CEP112: variants seen among roughly 807,000 people sequenced by gnomAD.
CEP112 encodes the protein centrosomal protein 112.
In CEP112, 127 loss-of-function variants were observed where a neutral mutation model predicts 153.0. The ratio of observed to expected loss-of-function variants is 0.83; its 90% CI spans 0.72 to 0.96. The LOEUF (loss-of-function observed/expected upper bound fraction) is 0.96, where lower values mean the gene tolerates loss of function less well. Among genes scored for constraint, CEP112 ranks in the 40% least tolerant of loss-of-function variants. The pLI, the probability that CEP112 is intolerant of heterozygous loss-of-function variation, is 0.00. For synonymous variants in CEP112, 358 were observed against 374.4 expected (o/e 0.96, Z 0.51); for missense variants, 1,089 against 1,101.2 (o/e 0.99, Z 0.16).
chr17:65,855,006 T>G (rs1259306916), intron 20 of CEP112, among the ~76,000 whole-genome samples: 7 of 152,156 alleles, frequency 4.6e-5, no homozygotes, highest in Admixed American at 4.6e-4. Context: ...AAGGATGGGT[T>G]GCTGGCTCCC....
chr17:66,051,726 A>G (rs1182361914), intron 12 of CEP112, among the ~76,000 whole-genome samples: 1 of 152,214 alleles, frequency 6.6e-6, no homozygotes, highest in Non-Finnish European at 1.5e-5. Flanking sequence ...CTTTAAATTC[A>G]AGAAAGTACT....
intron 19 of CEP112, among the ~76,000 whole-genome samples, chr17:65,920,013 C>G (rs527949149): frequency 1.3e-5 from 2 of 151,960 alleles, no homozygotes; most frequent in South Asian, 4.1e-4. Context: ...GTTTCTACAA[C>G]TAGAAGATGA....
chr17:66,182,441 AAT>A (rs2146913378), intron 2 of CEP112: 1 of 152,282 alleles, frequency 6.6e-6, no homozygotes, highest in East Asian at 1.9e-4. Context: ...TTCCTCACTG[AAT>A]ATAGAGTCTA....
chr17:65,930,645 C>T (rs2061086311), intron 18 of CEP112, among the ~76,000 whole-genome samples: 1 of 152,218 alleles, frequency 6.6e-6, no homozygotes, highest in Admixed American at 6.5e-5. Context: ...GAAGCACAGT[C>T]AAGCACACTT....
intron 18 of CEP112, among the ~76,000 whole-genome samples, chr17:65,931,864 A>G (rs1163059442): frequency 6.6e-6 from 1 of 152,224 alleles, no homozygotes; most frequent in Non-Finnish European, 1.5e-5. Context: ...GCAGGGAGCC[A>G]AGCCCAAAAC....
intron 24 of CEP112, among the ~76,000 whole-genome samples, chr17:65,675,012 A>T (rs2047157561): frequency 6.6e-6 from 1 of 152,230 alleles, no homozygotes; most frequent in African/African-American, 2.4e-5. Flanking sequence ...CTAAGTAGAA[A>T]GTCTAGCTCT....
At chr17:65,769,274 C>T (rs756658682) in intron 21 of CEP112, among the ~76,000 whole-genome samples, 2 of 151,824 alleles carry the variant, frequency 1.3e-5, no homozygotes, top group Admixed American at 6.6e-5. Context: ...TTGAAGAGGA[C>T]ACAAAGAAAT....
chr17:65,973,195 A>AC (rs556761816), intron 17 of CEP112, among the ~76,000 whole-genome samples: 1 of 152,246 alleles, frequency 6.6e-6, no homozygotes, highest in South Asian at 2.1e-4. Context: ...GGGTTAGAAA[A>AC]AGATTTCCTA....
intron 20 of CEP112, among the ~76,000 whole-genome samples, chr17:65,892,644 T>G (rs1030077328): frequency 2.6e-5 from 4 of 152,070 alleles, no homozygotes; most frequent in African/African-American, 9.7e-5. Context: ...CAGGGGAGCC[T>G]GGAACACACT....
intron 17 of CEP112, among the ~76,000 whole-genome samples, chr17:66,002,057 G>A (rs1358232139): frequency 6.6e-6 from 1 of 152,170 alleles, no homozygotes; most frequent in East Asian, 1.9e-4. Context: ...TTCATTTTTA[G>A]AAACAATAGC....
chr17:65,833,562 G>C (rs1382177022), intron 21 of CEP112, among the ~76,000 whole-genome samples: 1 of 152,024 alleles, frequency 6.6e-6, no homozygotes, highest in East Asian at 1.9e-4. Context: ...ACCAACAACA[G>C]CCAAGCCAAG....
rs1235748957 is a variant in CEP112 at position 66,132,884 on chromosome 17, G to A, written c.471-121C>T. The A allele has an allele frequency of 6.8e-6, 5 of 730,492 alleles. No homozygotes were observed. The East Asian group carries it at 1.1e-4, about 16-fold the overall frequency. 45.3% of individuals were successfully genotyped at this position (730,492 alleles called of 1,614,324 possible). ...GATGATAGTTTGTATTAACAATGAT[G>A]TTCCATAGCCGGGCGTGGTGGCGAG... On this transcript the variant is annotated intron_variant, in intron 4 of 26. Coordinates refer to ENST00000535342, the MANE Select transcript of CEP112 (RefSeq NM_001199165.4).
chr17:66,033,653 T>C (rs2065589107), intron 12 of CEP112, among the ~76,000 whole-genome samples: 1 of 152,216 alleles, frequency 6.6e-6, no homozygotes, highest in South Asian at 2.1e-4. Context: ...TGTCATCTTG[T>C]GAAGGAATCT....
At chr17:65,997,309 G>A (rs556324837) in intron 17 of CEP112, among the ~76,000 whole-genome samples, 66 of 152,252 alleles carry the variant, frequency 4.3e-4, no homozygotes, top group African/African-American at 1.6e-3. Flanking sequence ...ACAGGCTGTG[G>A]TAGGGTGTCC....
chr17:65,916,247 AAG>A (rs1491502591), intron 19 of CEP112, among the ~76,000 whole-genome samples: 16 of 107,718 alleles, frequency 1.5e-4, no homozygotes, highest in African/African-American at 5.4e-4. Context: ...TGTTTTGAAA[AAG>A]AGTGTGTGTG....
intron 18 of CEP112, among the ~76,000 whole-genome samples, chr17:65,929,399 C>G (rs1375758947): frequency 6.6e-6 from 1 of 152,166 alleles, no homozygotes; most frequent in Non-Finnish European, 1.5e-5. Flanking sequence ...AGTGCTCTCA[C>G]CTTGTGGGCA....
intron 18 of CEP112, chr17:65,941,543 C>T (rs775173477): frequency 2.0e-5 from 3 of 152,154 alleles, no homozygotes; most frequent in South Asian, 4.1e-4. Context: ...AAAAACACAG[C>T]GTTCTCAGTT....
At chr17:65,687,994 G>C (rs1226921773) in intron 24 of CEP112, among the ~76,000 whole-genome samples, 2 of 152,130 alleles carry the variant, frequency 1.3e-5, no homozygotes, top group African/African-American at 4.8e-5. Context: ...CATTTATAAA[G>C]GGTTTCATCA....
chr17:65,736,519 G>C (rs1156293582), intron 23 of CEP112, among the ~76,000 whole-genome samples: 1 of 152,162 alleles, frequency 6.6e-6, no homozygotes, highest in African/African-American at 2.4e-5. Flanking sequence ...GGATGAGATT[G>C]TCCAGGGACA....
Sources: allele counts gnomAD v4.1 joint callset (sites outside exome capture counted in the v4.1 genomes callset), GRCh38; gene constraint gnomAD v4.1.1; transcripts MANE v1.5; gene names NCBI Gene and HGNC (gene_info 2026-07-23, HGNC 2026-07-21).